CCDC18: variants seen among roughly 807,000 people sequenced by gnomAD.
CCDC18 encodes coiled-coil domain containing 18.
CCDC18 carries 157 observed loss-of-function variants against 196.0 expected under a neutral mutation model. That is an observed-to-expected ratio of 0.80 (90% CI 0.70 to 0.91). The LOEUF (loss-of-function observed/expected upper bound fraction) is 0.91, where lower values mean the gene tolerates loss of function less well. CCDC18 is among the 40% of genes least tolerant of loss of function. CCDC18 has a pLI of 0.00. For synonymous variants in CCDC18, 482 were observed against 529.2 expected, an observed-to-expected ratio of 0.91 and a Z score of 1.22; for missense variants, 1,465 against 1,611.6, an observed-to-expected ratio of 0.91 and a Z score of 1.56.
At chr1:93,225,776 CAA>C (rs34857910) in intron 16 of CCDC18, among the ~76,000 whole-genome samples, 13 of 130,384 alleles carry the variant, frequency 1.0e-4, no homozygotes, top group Admixed American at 7.7e-5. Context: ...GACTTTGTCT[CAA>C]AAAAAAAAAA....
chr1:93,198,953 CAT>C (rs1402847334), intron 6 of CCDC18, among the ~76,000 whole-genome samples: 1 of 152,138 alleles, frequency 6.6e-6, no homozygotes, highest in African/African-American at 2.4e-5. Flanking sequence ...GGCTTTAATG[CAT>C]GTTTTAAAAT....
At chr1:93,262,463 G>A (rs1663937055) in intron 26 of CCDC18, 1 of 152,214 alleles carries the variant, frequency 6.6e-6, no homozygotes, top group South Asian at 2.1e-4. Context: ...CCAAAACAAA[G>A]AGGCTGCAAG....
At chr1:93,276,858 CACAGAG>C (rs924397194) in intron 28 of CCDC18, among the ~76,000 whole-genome samples, 15 of 150,714 alleles carry the variant, frequency 1.0e-4, no homozygotes, top group Admixed American at 2.0e-4. Flanking sequence ...AAGAAAAAGA[CACAGAG>C]ACAAAGTATA....
intron 18 of CCDC18, among the ~76,000 whole-genome samples, chr1:93,233,319 A>T (rs1367092609): frequency 6.6e-6 from 1 of 152,252 alleles, no homozygotes; most frequent in Non-Finnish European, 1.5e-5. Flanking sequence ...AGAATTCTAG[A>T]GAATTTTATA....
chr1:93,276,146 T>C (rs1443478173), intron 28 of CCDC18, among the ~76,000 whole-genome samples: 2 of 152,352 alleles, frequency 1.3e-5, no homozygotes, highest in Non-Finnish European at 2.9e-5. Context: ...TAAAGTCCAC[T>C]GGTACAATGA....
At chr1:93,196,619 C>T (rs975036661) in intron 6 of CCDC18, among the ~76,000 whole-genome samples, 6 of 152,092 alleles carry the variant, frequency 3.9e-5, no homozygotes, top group African/African-American at 1.4e-4. Context: ...GGGGAAAATT[C>T]TTTATACATT....
chr1:93,214,222 C>T (rs1184997978), intron 11 of CCDC18, among the ~76,000 whole-genome samples: 1 of 152,074 alleles, frequency 6.6e-6, no homozygotes, highest in Non-Finnish European at 1.5e-5. Flanking sequence ...TGCCTGGCTA[C>T]CCTCAGTAAT....
At chr1:93,259,702 C>T (rs1015480153) in intron 26 of CCDC18, among the ~76,000 whole-genome samples, 32 of 152,128 alleles carry the variant, frequency 2.1e-4, no homozygotes, top group African/African-American at 7.7e-4. Context: ...TGAATCTAAT[C>T]CTAAGGCTAA....
intron 26 of CCDC18, among the ~76,000 whole-genome samples, chr1:93,261,204 C>A (rs1174583584): frequency 6.6e-6 from 1 of 151,916 alleles, no homozygotes; most frequent in East Asian, 1.9e-4. Context: ...ATATAGGTTT[C>A]CAAATTGTCA....
At chr1:93,235,718 A>G (rs1303546637) in intron 18 of CCDC18, among the ~76,000 whole-genome samples, 1 of 152,170 alleles carries the variant, frequency 6.6e-6, no homozygotes, top group African/African-American at 2.4e-5. Flanking sequence ...AGATAGTAGT[A>G]TGAAGTTCCT....
intron 6 of CCDC18, among the ~76,000 whole-genome samples, chr1:93,195,162 C>T (rs1394907537): frequency 6.6e-6 from 1 of 152,270 alleles, no homozygotes; most frequent in Non-Finnish European, 1.5e-5. Context: ...TGAGCCACTG[C>T]GCCTGGCTAA....
upstream of CCDC18, chr1:93,180,681 C>A: frequency 7.5e-7 from 1 of 1,341,384 alleles, no homozygotes; most frequent in Non-Finnish European, 9.9e-7. Flanking sequence ...TGCGCCGGGG[C>A]GGGGCAGTGA....
At chr1:93,204,868 C>T (rs1355618281) in intron 7 of CCDC18, among the ~76,000 whole-genome samples, 2 of 151,776 alleles carry the variant, frequency 1.3e-5, no homozygotes, top group African/African-American at 4.8e-5. Context: ...AATGAAATAT[C>T]TTAGAAGGGA....
At position 93,256,453 on chromosome 1, in the gene CCDC18, C is replaced by T; in HGVS notation, c.3461C>T (p.Ala1154Val). ...AACTCTCATACAGAATTGGCAGAGG[C>T]TCGTCATCAGCAAGTCCAAGCACAG... ...VQNSHTELAE[A>V]RHQQVQAQRE... Residue 1154 changes from alanine to valine, a missense_variant, in exon 25 of 29, where the codon GCT becomes GTT. By Grantham distance (64) the Ala-to-Val change is moderately conservative (BLOSUM62 0). Coordinates refer to ENST00000690025, the MANE Select transcript of CCDC18 (RefSeq NM_001378204.1). The T allele has an allele frequency of 1.9e-6, 3 of 1,614,034 alleles. No homozygotes were observed. Among genetic ancestry groups the T allele is most frequent in the Non-Finnish European group, 2.5e-6 (3 of 1,179,966 alleles).
At chr1:93,232,265 A>G (rs181049781) in intron 17 of CCDC18, among the ~76,000 whole-genome samples, 161 bp from the exon 18 acceptor site, 1 of 152,362 alleles carries the variant, frequency 6.6e-6, no homozygotes, top group Admixed American at 6.5e-5. Context: ...CCCCATTAGA[A>G]AAATGAATAC....
At position 93,271,363 on chromosome 1, in the gene CCDC18, T is replaced by A. The variant is rs1665242808; in HGVS notation, c.4353+549T>A. On this transcript the variant is annotated intron_variant, in intron 28 of 28. Coordinates refer to ENST00000690025, the MANE Select transcript of CCDC18 (RefSeq NM_001378204.1). ...TTTATATTCATCTTTCCTTCTTTTG[T>A]CCCTTTTCTCTTTAAAAGAAAGATA... 6 of 984,782 alleles carry A rather than the reference T, an allele frequency of 6.1e-6. No homozygotes were observed. In the South Asian group the frequency reaches 2.8e-4, roughly 46 times the overall value. The allele number at this position is 984,782 out of a possible 1,614,324, so 61.0% of individuals were successfully genotyped here.
rs1198835475 is a variant in CCDC18, at chr1:93,239,388, T to C, written c.2682T>C (p.Asp894=). 6.2e-7 allele frequency: 1 copy of C among 1,613,178 alleles called. No homozygotes were observed. The highest frequency in any genetic ancestry group is 2.2e-5 in the East Asian group (1 of 44,776). The part of the protein sequence containing the change: ...MEKEIMHLKR[D]GENKAMHLSQ... ...AGGAAATAATGCACCTAAAACGAGA[T>C]GGAGAAAATAAAGCAATGCACCTCT... Residue 894 remains aspartate (D), a synonymous_variant, in exon 20 of 29, where the codon GAT becomes GAC. Transcript: ENST00000690025.
intron 12 of CCDC18, among the ~76,000 whole-genome samples, chr1:93,215,678 G>A (rs568350961): frequency 1.5e-4 from 23 of 152,038 alleles, no homozygotes; most frequent in African/African-American, 5.5e-4. Flanking sequence ...GGCTTGCCTC[G>A]AACTCCTGGT....
At chr1:93,262,335 TCTGA>T (rs1324836561) in intron 26 of CCDC18, 1 of 152,150 alleles carries the variant, frequency 6.6e-6, no homozygotes, top group East Asian at 1.9e-4. Flanking sequence ...CAAAGTCTTA[TCTGA>T]GACAAGCCTT....
Sources: allele counts gnomAD v4.1 joint callset (sites outside exome capture counted in the v4.1 genomes callset), GRCh38; gene constraint gnomAD v4.1.1; transcripts MANE v1.5; gene names NCBI Gene and HGNC (gene_info 2026-07-23, HGNC 2026-07-21).